The following SUPT3H variants were observed in gnomAD, a reference collection of about 807,000 sequenced individuals.
SUPT3H encodes the protein transcription initiation protein SPT3 homolog.
In SUPT3H, 44 loss-of-function variants were observed where a neutral mutation model predicts 44.3. The ratio of observed to expected loss-of-function variants is 0.99; its 90% CI spans 0.78 to 1.28. The LOEUF (loss-of-function observed/expected upper bound fraction) is 1.28, where lower values mean the gene tolerates loss of function less well. Ranked by LOEUF, SUPT3H falls within the 50% of genes most tolerant of loss-of-function variation. SUPT3H has a pLI of 0.00. For missense variants in SUPT3H, 380 were observed against 387.1 expected (o/e 0.98, Z 0.15); for synonymous variants, 124 against 125.6 (o/e 0.99, Z 0.09).
At chr6:45,102,728 G>C (rs1798749220) in intron 3 of SUPT3H, among the ~76,000 whole-genome samples, 1 of 152,004 alleles carries the variant, frequency 6.6e-6, no homozygotes, top group Non-Finnish European at 1.5e-5. Context: ...GATCCCTCAG[G>C]TCAGGTGTTC....
intron 2 of SUPT3H, among the ~76,000 whole-genome samples, chr6:45,350,198 T>C (rs932314907): frequency 6.6e-6 from 1 of 152,182 alleles, no homozygotes; most frequent in Non-Finnish European, 1.5e-5. Flanking sequence ...TTTGTGTTTG[T>C]TTTATTCACT....
intron 10 of SUPT3H, among the ~76,000 whole-genome samples, chr6:44,863,023 G>C (rs181273231): frequency 2.9e-4 from 44 of 152,176 alleles, no homozygotes; most frequent in Admixed American, 1.8e-3. Context: ...GGAAGCAAGA[G>C]AGCAACACTC....
intron 10 of SUPT3H, among the ~76,000 whole-genome samples, chr6:44,849,569 T>C (rs1305157184): frequency 6.6e-6 from 1 of 152,172 alleles, no homozygotes; most frequent in Non-Finnish European, 1.5e-5. Context: ...CCTATAATCA[T>C]GAGGATCTGG....
At chr6:45,013,549 A>G (rs1490694705) in intron 5 of SUPT3H, among the ~76,000 whole-genome samples, 1 of 152,028 alleles carries the variant, frequency 6.6e-6, no homozygotes, top group Non-Finnish European at 1.5e-5. Flanking sequence ...CTAGACTTCT[A>G]GGCTTGTCTA....
At chr6:45,065,899 G>C (rs6915151) in intron 3 of SUPT3H, among the ~76,000 whole-genome samples, 127,916 of 131,290 alleles carry the variant, frequency 0.97, 62,342 homozygotes, top group Middle Eastern at 1. Flanking sequence ...GAACTGGTAC[G>C]ATTCCTTCTG....
chr6:45,062,132 T>C (rs760790564), intron 3 of SUPT3H, among the ~76,000 whole-genome samples: 65 of 151,984 alleles, frequency 4.3e-4, no homozygotes, highest in Non-Finnish European at 7.2e-4. Flanking sequence ...GCGTCTGATA[T>C]GGCAAAGGAT....
chr6:45,284,199 C>T (rs1282058610), intron 2 of SUPT3H, among the ~76,000 whole-genome samples: 1 of 152,018 alleles, frequency 6.6e-6, no homozygotes, highest in African/African-American at 2.4e-5. Context: ...GAAGCAAGAG[C>T]AAACACATTC....
intron 3 of SUPT3H, among the ~76,000 whole-genome samples, chr6:45,061,895 T>A (rs77711648): frequency 1.3e-3 from 3 of 2,394 alleles, no homozygotes; most frequent in Non-Finnish European, 3.6e-3. Flanking sequence ...CATAAGCTGT[T>A]TTTTTTTTTT....
chr6:44,993,645 C>T (rs191666606), intron 6 of SUPT3H, among the ~76,000 whole-genome samples: 3 of 152,224 alleles, frequency 2.0e-5, no homozygotes, highest in Non-Finnish European at 4.4e-5. Flanking sequence ...AATACTACCT[C>T]GTCTACAGTT....
chr6:44,946,164 G>GA (rs1430054048), intron 9 of SUPT3H, among the ~76,000 whole-genome samples: 2 of 151,950 alleles, frequency 1.3e-5, no homozygotes, highest in African/African-American at 4.8e-5. Flanking sequence ...TACTATTCAG[G>GA]AAAAAAAGAT....
rs1048983825 is a variant in SUPT3H, at chr6:44,852,736, CA to C, written c.913-22880del. Among the ~76,000 whole-genome samples, 4 of 152,278 alleles carry C rather than the reference CA, an allele frequency of 2.6e-5. No homozygotes were observed. The South Asian group carries it at 6.2e-4, about 24-fold the overall frequency. On this transcript the variant is annotated intron_variant, in intron 10 of 10. Coordinates refer to ENST00000371459, the MANE Select transcript of SUPT3H (RefSeq NM_003599.4). ...TTTAACCTTTAAGTGTTTTATTAAA[CA>C]AAAACTCCTATCAGCATACAAAAGG...
chr6:45,270,324 G>C (rs1325077174), intron 2 of SUPT3H, among the ~76,000 whole-genome samples: 1 of 152,024 alleles, frequency 6.6e-6, no homozygotes, highest in African/African-American at 2.4e-5. Context: ...TGACAGATAT[G>C]GTTTGGCTGT....
chr6:44,906,214 C>G (rs1384479122), intron 10 of SUPT3H, among the ~76,000 whole-genome samples: 1 of 152,036 alleles, frequency 6.6e-6, no homozygotes, highest in African/African-American at 2.4e-5. Context: ...AAAGCCATAA[C>G]AAAAGCCATT....
intron 2 of SUPT3H, among the ~76,000 whole-genome samples, chr6:45,269,668 T>C (rs942784068): frequency 2.0e-5 from 3 of 152,216 alleles, no homozygotes; most frequent in Non-Finnish European, 4.4e-5. Flanking sequence ...CTTTAAGCTA[T>C]TGCACTTACC....
At chr6:45,136,752 A>G (rs1283903801) in intron 2 of SUPT3H, among the ~76,000 whole-genome samples, 1 of 152,138 alleles carries the variant, frequency 6.6e-6, no homozygotes, top group African/African-American at 2.4e-5. Context: ...TCTGAAGAGG[A>G]CAAAATGAGT....
intron 3 of SUPT3H, among the ~76,000 whole-genome samples, chr6:45,053,776 G>T (rs1027218079): frequency 6.7e-6 from 1 of 148,826 alleles, no homozygotes; most frequent in Non-Finnish European, 1.5e-5. Context: ...TTAGCCGGGC[G>T]TGGTGATGGG....
At chr6:45,175,457 G>A (rs1811588075) in intron 2 of SUPT3H, among the ~76,000 whole-genome samples, 1 of 152,084 alleles carries the variant, frequency 6.6e-6, no homozygotes, top group Non-Finnish European at 1.5e-5. Context: ...CTGCCCCCAT[G>A]ATTCAATTAC....
intron 2 of SUPT3H, among the ~76,000 whole-genome samples, chr6:45,254,457 G>C (rs991417357): frequency 2.0e-5 from 3 of 152,084 alleles, no homozygotes; most frequent in African/African-American, 7.2e-5. Flanking sequence ...TCAGTAATGA[G>C]ATAAAAACTA....
At chr6:45,376,984 G>A (rs1049778447) in intron 1 of SUPT3H, among the ~76,000 whole-genome samples, 2 of 151,526 alleles carry the variant, frequency 1.3e-5, no homozygotes, top group African/African-American at 4.9e-5. Context: ...ATTTATCCAC[G>A]TGTACAGTAA....
Sources: allele counts gnomAD v4.1 joint callset (sites outside exome capture counted in the v4.1 genomes callset), GRCh38; gene constraint gnomAD v4.1.1; transcripts MANE v1.5; gene names NCBI Gene and HGNC (gene_info 2026-07-23, HGNC 2026-07-21).